Variants in PDXDC1 observed in about 807,000 individuals in gnomAD.
The protein encoded by PDXDC1 is pyridoxal dependent decarboxylase domain containing 1.
A neutral mutation model predicts 100.1 loss-of-function variants in PDXDC1; 42 were observed. The observed-to-expected ratio is 0.42, with a 90% CI of 0.33 to 0.54. PDXDC1 has a LOEUF of 0.54. Among genes scored for constraint, PDXDC1 ranks in the 20% least tolerant of loss-of-function variants. The probability of loss-of-function intolerance (pLI) is 0.10; values close to 1 mark genes in which losing one functional copy is unlikely to be tolerated. For synonymous variants in PDXDC1, 260 were observed against 371.7 expected (o/e 0.70, Z 3.46); for missense variants, 636 against 979.2 (o/e 0.65, Z 4.68).
At chr16:15,010,403 T>G (rs1347224376) in intron 8 of PDXDC1, 29 of 154,944 alleles carry the variant, frequency 1.9e-4, no homozygotes, top group African/African-American at 6.5e-4. Context: ...CTATAGTCCC[T>G]CTACTCAGGA....
At chr16:14,995,570 G>A (rs1462223284) in intron 1 of PDXDC1, among the ~76,000 whole-genome samples, 3 of 152,398 alleles carry the variant, frequency 2.0e-5, no homozygotes, top group Admixed American at 6.5e-5. Context: ...TTTTTGCATC[G>A]ATGTTCATCA....
intron 22 of PDXDC1, 152 bp from the exon 23 acceptor site, chr16:15,035,864 C>G (rs548838541): frequency 1.2e-6 from 1 of 828,066 alleles, no homozygotes; most frequent in Non-Finnish European, 1.9e-6. Context: ...TAGCAGCTCT[C>G]GGTTTTCTCA....
chr16:15,074,795 G>A, intron 16 of PDXDC1: 1 of 1,614,016 alleles, frequency 6.2e-7, no homozygotes, highest in Non-Finnish European at 8.5e-7. Flanking sequence ...TCGGCTACAG[G>A]ATGCACCATC....
At chr16:15,047,188 T>C (rs16966947) in intron 16 of PDXDC1, 169,308 of 511,018 alleles carry the variant, frequency 0.33, 30,051 homozygotes, top group East Asian at 0.52. Context: ...TCGACGTTCC[T>C]GAGACGACAT....
At chr16:14,979,997 T>G (rs1967596021) in intron 1 of PDXDC1, among the ~76,000 whole-genome samples, 1 of 152,292 alleles carries the variant, frequency 6.6e-6, no homozygotes, top group Non-Finnish European at 1.5e-5. Flanking sequence ...ATTCCAATGT[T>G]ACAATGTGAG....
intron 14 of PDXDC1, among the ~76,000 whole-genome samples, chr16:15,027,718 C>T (rs948438944): frequency 6.6e-6 from 1 of 152,298 alleles, no homozygotes; most frequent in African/African-American, 2.4e-5. Flanking sequence ...CTTCTGCCGG[C>T]CTGCTCTCCA....
downstream of PDXDC1, among the ~76,000 whole-genome samples, chr16:15,039,719 C>T (rs929421746): frequency 6.6e-6 from 1 of 152,098 alleles, no homozygotes; most frequent in Non-Finnish European, 1.5e-5. Flanking sequence ...TCTTTGAATT[C>T]GGATGCTGGG....
rs551995405 is a variant in PDXDC1, at chr16:15,058,530, C to T, written c.1399+28474C>T. Among the ~76,000 whole-genome samples the T allele has an allele frequency of 7.2e-5, 11 of 152,196 alleles. No individual in the cohort carries two copies. The East Asian group carries it at 2.1e-3, about 29-fold the overall frequency. On this transcript the variant is annotated intron_variant, in intron 16 of 16. Transcript: ENST00000535621. ...TTGCTTGAGGTTAGGAGTTCAAGAC[C>T]AGCCTGGCCAACATAGTGAAACTCC...
Position 15,038,192 on chromosome 16 carries a change from G to A in PDXDC1, c.*1917G>A. On this transcript the variant is annotated 3_prime_UTR_variant, in exon 23 of 23. Coordinates refer to ENST00000396410, the MANE Select transcript of PDXDC1 (RefSeq NM_015027.4). ...TCAACAAAGTGGGGTGGCTCAGCCA[G>A]AGGCGAAGTGGAAAGATTCTGAAAA... 1 of 1,612,926 alleles carries A rather than the reference G, an allele frequency of 6.2e-7. No homozygotes were observed.
chr16:15,032,481 C>T (rs774612580), intron 17 of PDXDC1: 7 of 176,330 alleles, frequency 4.0e-5, no homozygotes, highest in Non-Finnish European at 8.4e-5. Context: ...TGGCGAAACC[C>T]CATCTCTAGA....
At chr16:15,070,382 A>G (rs1460576515) in intron 16 of PDXDC1, 3 of 648,988 alleles carry the variant, frequency 4.6e-6, no homozygotes, top group East Asian at 2.9e-5. Context: ...AATAATACCC[A>G]TGGGTACAGA....
chr16:15,000,798 C>T (rs1444678608), intron 3 of PDXDC1, among the ~76,000 whole-genome samples: 14 of 151,908 alleles, frequency 9.2e-5, no homozygotes, highest in African/African-American at 1.9e-4. Flanking sequence ...TTAGTCCAAA[C>T]GGACAAGATC....
intron 16 of PDXDC1, chr16:15,044,327 AACTT>A (rs1429604638): frequency 8.8e-6 from 14 of 1,596,196 alleles, no homozygotes; most frequent in East Asian, 2.2e-5. Flanking sequence ...AAAAAAAATG[AACTT>A]ACTAAGAAGT....
intron 16 of PDXDC1, among the ~76,000 whole-genome samples, chr16:15,078,948 A>G (rs1328514918): frequency 2.0e-5 from 3 of 151,472 alleles, no homozygotes; most frequent in African/African-American, 7.3e-5. Flanking sequence ...AGTAGCTGGG[A>G]CTATAGGTGC....
intron 16 of PDXDC1, among the ~76,000 whole-genome samples, chr16:15,065,890 A>T (rs1415198250): frequency 1.3e-5 from 2 of 152,238 alleles, no homozygotes; most frequent in African/African-American, 4.8e-5. Context: ...CTAAGTCATG[A>T]CCTCAAAAAC....
At position 15,036,334 on chromosome 16, in the gene PDXDC1, T is replaced by A. The variant is rs781230056; in HGVS notation, c.*59T>A. On this transcript the variant is annotated 3_prime_UTR_variant, in exon 23 of 23. Transcript: ENST00000396410. ...TTGTTTCAGGGAAGATGAAGTTCTA[T>A]TGGAAATGTGAACTGTGCCACATAC... The A allele has an allele frequency of 6.9e-7, 1 of 1,456,834 alleles. No individual in the cohort carries two copies. Among genetic ancestry groups the A allele is most frequent in the Admixed American group, 2.0e-5 (1 of 50,154 alleles). The allele number at this position is 1,456,834 out of a possible 1,614,324, so 90.2% of individuals were successfully genotyped here. A position where few individuals can be genotyped will look rare whatever the true frequency, so the allele number is the denominator to read the frequency against.
chr16:15,085,875 T>C (rs1357599762), intron 16 of PDXDC1, among the ~76,000 whole-genome samples: 1 of 152,180 alleles, frequency 6.6e-6, no homozygotes, highest in African/African-American at 2.4e-5. Flanking sequence ...AAAGCAACTT[T>C]ATAGTTTTTA....
intron 19 of PDXDC1, 54 bp from the exon 20 acceptor site, chr16:15,034,232 T>C: frequency 6.6e-7 from 1 of 1,509,808 alleles, no homozygotes; most frequent in South Asian, 1.1e-5. Context: ...CTAGCTCTTC[T>C]GGGCCCCAGG....
intron 16 of PDXDC1, among the ~76,000 whole-genome samples, chr16:15,075,589 AAAAG>A (rs71152405): frequency 0.65 from 98,098 of 151,022 alleles, 33,702 homozygotes; most frequent in Non-Finnish European, 0.76. Context: ...AAAAAGAAAG[AAAAG>A]AAAGAAAGAA....
Sources: gnomAD v4.1 joint callset for allele counts (sites outside exome capture counted in the v4.1 genomes callset) on GRCh38, gnomAD v4.1.1 for gene constraint, MANE v1.5 for transcripts, NCBI Gene and HGNC (gene_info 2026-07-23, HGNC 2026-07-21) for gene names.